The following WDR49 variants were observed in gnomAD, a reference collection of about 807,000 sequenced individuals.
The protein encoded by WDR49 is WD repeat domain 49, also known as cilia- and flagella-associated protein 337.
A neutral mutation model predicts 119.5 loss-of-function variants in WDR49; 107 were observed. That is an observed-to-expected ratio of 0.90 (90% CI 0.77 to 1.05). The LOEUF is 1.05. WDR49 is among the 50% of genes least tolerant of loss of function. The pLI is 0.00. For synonymous variants in WDR49, 425 were observed against 418.8 expected, an observed-to-expected ratio of 1.01 and a Z score of -0.18; for missense variants, 1,240 against 1,220.5, an observed-to-expected ratio of 1.02 and a Z score of -0.24.
chr3:167,598,895 C>G (rs185140704), intron 7 of WDR49, among the ~76,000 whole-genome samples: 2 of 152,344 alleles, frequency 1.3e-5, no homozygotes. Flanking sequence ...GATTACTAGA[C>G]AGGCTCTTAT....
chr3:167,504,652 G>A (rs1253449867), intron 17 of WDR49, among the ~76,000 whole-genome samples: 1 of 152,158 alleles, frequency 6.6e-6, no homozygotes, highest in African/African-American at 2.4e-5. Flanking sequence ...ACTATTGGGA[G>A]GAATGGTTTT....
intron 7 of WDR49, among the ~76,000 whole-genome samples, chr3:167,596,518 C>T (rs1291658585): frequency 6.0e-5 from 9 of 151,040 alleles, no homozygotes; most frequent in African/African-American, 2.2e-4. Flanking sequence ...GGCATATATA[C>T]ACCATGGAAT....
At chr3:167,576,248 A>C in intron 7 of WDR49, 97 bp from the exon 8 acceptor site, 5 of 965,640 alleles carry the variant, frequency 5.2e-6, no homozygotes, top group South Asian at 3.2e-5. Flanking sequence ...CCAGGCAGAC[A>C]GTTGTTTCCT....
intron 7 of WDR49, among the ~76,000 whole-genome samples, chr3:167,582,333 G>A (rs901021545): frequency 6.6e-6 from 1 of 151,926 alleles, no homozygotes; most frequent in Non-Finnish European, 1.5e-5. Flanking sequence ...GAATACCTTG[G>A]CTAACATTTT....
chr3:167,554,595 TTA>T (rs1712803694), intron 10 of WDR49, 53 bp downstream of exon 10: 2 of 1,213,046 alleles, frequency 1.6e-6, no homozygotes, highest in East Asian at 5.1e-5. Flanking sequence ...ACCAAGATTT[TTA>T]TGTTCTTTTT....
At chr3:167,608,077 C>A (rs993782264) in intron 5 of WDR49, among the ~76,000 whole-genome samples, 9 of 152,076 alleles carry the variant, frequency 5.9e-5, no homozygotes, top group African/African-American at 2.2e-4. Context: ...CATAAAGTCC[C>A]ATGATTACCT....
chr3:167,588,287 T>C (rs948996690), intron 7 of WDR49, among the ~76,000 whole-genome samples: 3 of 152,232 alleles, frequency 2.0e-5, no homozygotes, highest in African/African-American at 7.2e-5. Flanking sequence ...AGGATCTTAC[T>C]CTTTTTTATG....
intron 5 of WDR49, among the ~76,000 whole-genome samples, chr3:167,605,615 A>G (rs1716023370): frequency 6.6e-6 from 1 of 152,222 alleles, no homozygotes; most frequent in African/African-American, 2.4e-5. Context: ...TACAAAATGT[A>G]TAATAGAATT....
At chr3:167,631,853 CAG>C (rs1230671576) in intron 2 of WDR49, among the ~76,000 whole-genome samples, 1 of 152,084 alleles carries the variant, frequency 6.6e-6, no homozygotes, top group African/African-American at 2.4e-5. Context: ...GCTGAAATAA[CAG>C]AGGTTAGTTT....
intron 16 of WDR49, among the ~76,000 whole-genome samples, chr3:167,512,973 C>T (rs1334085077): frequency 6.6e-6 from 1 of 152,070 alleles, no homozygotes; most frequent in African/African-American, 2.4e-5. Flanking sequence ...AAACCTATGA[C>T]TGATTGGGGT....
chr3:167,524,579 T>C (rs1235104170), intron 15 of WDR49, among the ~76,000 whole-genome samples: 2 of 152,218 alleles, frequency 1.3e-5, no homozygotes, highest in African/African-American at 2.4e-5. Context: ...AGTTAATTTT[T>C]GTATAAGGTA....
chr3:167,649,646 C>T (rs111307807), intron 2 of WDR49, among the ~76,000 whole-genome samples: 9 of 152,288 alleles, frequency 5.9e-5, no homozygotes, highest in African/African-American at 2.2e-4. Context: ...TCTCATTCAC[C>T]TCCAAGACAG....
At chr3:167,486,214 C>T (rs1008670455) in intron 18 of WDR49, among the ~76,000 whole-genome samples, 3 of 152,002 alleles carry the variant, frequency 2.0e-5, no homozygotes, top group African/African-American at 7.2e-5. Context: ...GAATTTATTT[C>T]AATGTGATCA....
In WDR49 at chr3:167,556,100, G is replaced by T. The variant is rs545509690; in HGVS notation, c.1675-1302C>A. 7.2e-5 allele frequency among the ~76,000 whole-genome samples: 11 copies of T among 152,264 alleles called. No homozygotes were observed. The South Asian group carries it at 2.3e-3, about 32-fold the overall frequency. On this transcript the variant is annotated intron_variant, in intron 9 of 18. Transcript: ENST00000682715. ...GCAGTCTGTTGTTAACTGAAATGTT[G>T]CTAGACAGTTTATGACTCTACTTGT...
At chr3:167,650,518 G>A (rs1269245514) in intron 2 of WDR49, among the ~76,000 whole-genome samples, 11 of 152,118 alleles carry the variant, frequency 7.2e-5, no homozygotes, top group East Asian at 5.8e-4. Context: ...GAATCAAGAC[G>A]TCAATTAGAA....
upstream of WDR49, among the ~76,000 whole-genome samples, chr3:167,656,079 G>A (rs1052035170): frequency 1.3e-5 from 2 of 152,176 alleles, no homozygotes; most frequent in African/African-American, 4.8e-5. Flanking sequence ...ACAGTGCTGT[G>A]TTCAGAGCAT....
chr3:167,540,263 A>C (rs1037208263), intron 10 of WDR49, among the ~76,000 whole-genome samples: 1 of 152,166 alleles, frequency 6.6e-6, no homozygotes, highest in African/African-American at 2.4e-5. Context: ...AAATATATCT[A>C]CAAGGACTCT....
At position 167,565,946 on chromosome 3, in the gene WDR49, T is replaced by C. The variant is rs1713570147; in HGVS notation, c.1510-5718A>G. Among the ~76,000 whole-genome samples the C allele has an allele frequency of 2.0e-5, 3 of 152,330 alleles. No homozygotes were observed. The East Asian group carries it at 5.8e-4, about 29-fold the overall frequency. On this transcript the variant is annotated intron_variant, in intron 8 of 18. Coordinates refer to ENST00000682715, the MANE Select transcript of WDR49 (RefSeq NM_001366157.1). ...GATCATTTGTTCTTAACAAAAATTC[T>C]ACAAGGGATGTATTATAATTAGTAT...
intron 17 of WDR49, among the ~76,000 whole-genome samples, chr3:167,503,377 G>A (rs889186347): frequency 2.0e-5 from 3 of 152,168 alleles, no homozygotes; most frequent in African/African-American, 2.4e-5. Context: ...AGATGGTGGC[G>A]GGCTGCTTCC....
Sources: gnomAD v4.1 joint callset for allele counts (sites outside exome capture counted in the v4.1 genomes callset) on GRCh38, gnomAD v4.1.1 for gene constraint, MANE v1.5 for transcripts, NCBI Gene and HGNC (gene_info 2026-07-23, HGNC 2026-07-21) for gene names.